Variants in IMPG2 observed in about 807,000 individuals in gnomAD.
IMPG2 encodes interphotoreceptor matrix proteoglycan 2, also known as IPM 200.
IMPG2 carries 91 observed loss-of-function variants against 129.2 expected under a neutral mutation model. That is an observed-to-expected ratio of 0.70 (90% confidence interval 0.59 to 0.84). IMPG2 has a LOEUF of 0.84. Among genes scored for constraint, IMPG2 ranks in the 40% least tolerant of loss-of-function variants. The pLI, the probability that IMPG2 is intolerant of heterozygous loss-of-function variation, is 0.00. For synonymous variants in IMPG2, 510 were observed against 517.7 expected, an observed-to-expected ratio of 0.99 and a Z score of 0.20; for missense variants, 1,430 against 1,461.7, an observed-to-expected ratio of 0.98 and a Z score of 0.35.
chr3:101,310,943 T>C (rs1047868515), intron 2 of IMPG2, among the ~76,000 whole-genome samples: 1 of 152,156 alleles, frequency 6.6e-6, no homozygotes, highest in Non-Finnish European at 1.5e-5. Context: ...TCTAAAATAC[T>C]CCATAGAAAT....
intron 7 of IMPG2, among the ~76,000 whole-genome samples, chr3:101,271,177 C>CAG (rs1706779943): frequency 6.6e-6 from 1 of 152,176 alleles, no homozygotes; most frequent in Non-Finnish European, 1.5e-5. Context: ...GACTAGAAAT[C>CAG]AGAAGGCTGA....
chr3:101,232,903 T>A lies in IMPG2; in HGVS notation c.3111A>T (p.Arg1037Ser), dbSNP rs1483689190. 1.9e-6 allele frequency: 3 copies of A among 1,613,836 alleles called. No homozygotes were observed. The highest frequency in any genetic ancestry group is 2.5e-6 in the Non-Finnish European group (3 of 1,179,922). The change falls in exon 15 of 19, where the codon AGA (arginine) becomes AGT (serine). Residue 1037 changes from arginine (R) to serine (S), a missense_variant. Arg to Ser is a moderately radical substitution (Grantham distance 110). Coordinates refer to ENST00000193391, the MANE Select transcript of IMPG2 (RefSeq NM_016247.4). ...VNPWSGEAKC[R>S]CFPGYLSVEE... ...CCACACTCAGGTATCCAGGGAAGCA[T>A]CTGCACTTTGCTTCTCCACTCCAGG...
Position 101,225,730 on chromosome 3 carries a change from T to C in IMPG2, c.*1239A>G, listed in dbSNP as rs1412191309. 6.6e-6 allele frequency: 1 copy of C among 152,154 alleles called. No homozygotes were observed. Among genetic ancestry groups the C allele is most frequent in the Admixed American group, 6.5e-5 (1 of 15,284 alleles). The allele number at this position is 152,154 out of a possible 1,614,324, so 9.4% of individuals were successfully genotyped here. ...TAAAGTATCTGCATTAATAATAACC[T>C]ATTGCATATGCAATTTAATATCATG... is the stretch of plus-strand genomic sequence containing the variant. On this transcript the variant is annotated 3_prime_UTR_variant, in exon 19 of 19. Transcript: ENST00000193391.
chr3:101,307,009 T>C (rs1707212194), intron 2 of IMPG2, among the ~76,000 whole-genome samples: 1 of 152,188 alleles, frequency 6.6e-6, no homozygotes, highest in African/African-American at 2.4e-5. Context: ...GAACTGGTAT[T>C]TAGGGCACTG....
At chr3:101,249,213 C>G (rs762085039) in intron 11 of IMPG2, among the ~76,000 whole-genome samples, 1 of 152,150 alleles carries the variant, frequency 6.6e-6, no homozygotes, top group Non-Finnish European at 1.5e-5. Context: ...TCCTTTAACC[C>G]TATCCACATC....
Position 101,225,381 on chromosome 3 carries a change from G to A in IMPG2, c.*1588C>T, listed in dbSNP as rs1364860398. The A allele has an allele frequency of 1.3e-5, 2 of 152,278 alleles. No individual in the cohort carries two copies. Among genetic ancestry groups the A allele is most frequent in the African/African-American group, 4.8e-5 (2 of 41,464 alleles). 9.4% of individuals were successfully genotyped at this position (152,278 alleles called of 1,614,324 possible). On this transcript the variant is annotated 3_prime_UTR_variant, in exon 19 of 19. Coordinates refer to ENST00000193391, the MANE Select transcript of IMPG2 (RefSeq NM_016247.4). ...GAGCCACCTTGGCGCGGGCGCACAT[G>A]CGCATTAGCGCGCACACGCACACAC...
rs577460258 is a variant in IMPG2, at chr3:101,271,637, C to CT, written c.828+1943dup. ...AGAATGCATTCAATCCCAGATCTCT[C>CT]TAACACTGAAGCCCATATTCTTCCC... On this transcript the variant is annotated intron_variant, in intron 7 of 18. Coordinates refer to ENST00000193391, the MANE Select transcript of IMPG2 (RefSeq NM_016247.4). Among the ~76,000 whole-genome samples the CT allele has an allele frequency of 3.9e-5, 6 of 152,320 alleles. No individual in the cohort carries two copies. In the East Asian group the frequency reaches 1.2e-3, roughly 29 times the overall value.
At chr3:101,227,100 TC>T in intron 18 of IMPG2, 119 bp from the exon 19 acceptor site, 1 of 1,191,774 alleles carries the variant, frequency 8.4e-7, no homozygotes, top group Admixed American at 2.0e-5. Flanking sequence ...TCTATTTTTT[TC>T]TTTATTTGAA....
chr3:101,244,939 G>A (rs1051673308), intron 12 of IMPG2, 152 bp from the exon 13 acceptor site: 2 of 684,926 alleles, frequency 2.9e-6, no homozygotes, highest in Middle Eastern at 4.0e-4. Context: ...ACAACAAGAA[G>A]ATCTGATCAT....
At position 101,226,007 on chromosome 3, in the gene IMPG2, G is replaced by A. The variant is rs1229458556; in HGVS notation, c.*962C>T. 2 of 154,476 alleles carry A rather than the reference G, an allele frequency of 1.3e-5. No individual in the cohort carries two copies. The highest frequency in any genetic ancestry group is 2.4e-5 in the African/African-American group (1 of 41,358). 9.6% of individuals were successfully genotyped at this position (154,476 alleles called of 1,614,324 possible). A position where few individuals can be genotyped will look rare whatever the true frequency, so the allele number is the denominator to read the frequency against. ...AAATGAGCTCATCTATATTATGTGA[G>A]GTAGTTAAGTGCTGTTTTCCAAATT... On this transcript the variant is annotated 3_prime_UTR_variant, in exon 19 of 19. Transcript: ENST00000193391.
At chr3:101,242,163 AAAG>A in intron 14 of IMPG2, among the ~76,000 whole-genome samples, 1 of 152,216 alleles carries the variant, frequency 6.6e-6, no homozygotes, top group East Asian at 1.9e-4. Flanking sequence ...GAGATATGGA[AAAG>A]AAGAGCTCAC....
chr3:101,253,742 C>T lies in IMPG2; in HGVS notation c.1193G>A (p.Trp398Ter), dbSNP rs1349836534. ...VLRHQTEDLV[W>*]NTQSSSLQAT... ...CTGAAGACTTGAACTTTGGGTGTTC[C>T]AAACTAGATCTTCAGTTTGGTGACG... Residue 398 changes from tryptophan (W) to a stop codon, truncating the protein, a stop_gained, in exon 11 of 19, where the codon TGG becomes TAG. Coordinates refer to ENST00000193391, the MANE Select transcript of IMPG2 (RefSeq NM_016247.4). LOFTEE classifies it high-confidence loss of function. 1 of 1,611,858 alleles carries T rather than the reference C, an allele frequency of 6.2e-7. No individual in the cohort carries two copies.
Position 101,229,362 on chromosome 3 carries a change from A to G in IMPG2, c.3633+18T>C, listed in dbSNP as rs757628656. On this transcript the variant is annotated intron_variant, in intron 17 of 18. Coordinates refer to ENST00000193391, the MANE Select transcript of IMPG2 (RefSeq NM_016247.4). ...CCAGCAGTAGCTGCGACAGCAACATAAATGCAAAGTTTCCCACCTCTCTGG... is the reference window on the plus strand; with the variant it reads ...CCAGCAGTAGCTGCGACAGCAACATGAATGCAAAGTTTCCCACCTCTCTGG... 5.0e-6 allele frequency: 8 copies of G among 1,605,734 alleles called. No homozygotes were observed. In the South Asian group the frequency reaches 7.7e-5, roughly 15 times the overall value.
chr3:101,279,958 T>C (rs1369920831), intron 4 of IMPG2, among the ~76,000 whole-genome samples: 1 of 152,198 alleles, frequency 6.6e-6, no homozygotes, highest in Non-Finnish European at 1.5e-5. Context: ...TCATTAAGTA[T>C]TCCCCCTGCA....
chr3:101,271,876 C>T (rs1706786250), intron 7 of IMPG2, among the ~76,000 whole-genome samples: 2 of 152,128 alleles, frequency 1.3e-5, no homozygotes, highest in African/African-American at 2.4e-5. Flanking sequence ...GCCTCCTGAG[C>T]CTCATCTGTA....
chr3:101,291,452 T>A (rs1275714379), intron 4 of IMPG2, 27 bp downstream of exon 4: 1 of 1,603,290 alleles, frequency 6.2e-7, no homozygotes, highest in South Asian at 1.1e-5. Context: ...TTGCCAAACA[T>A]GAATTTTGGG....
chr3:101,287,634 T>C (rs1372035745), intron 4 of IMPG2, among the ~76,000 whole-genome samples: 4 of 152,036 alleles, frequency 2.6e-5, no homozygotes, highest in Admixed American at 2.6e-4. Context: ...AAATGAACAA[T>C]GGGGAAAGGA....
chr3:101,304,855 T>TAAAA (rs5851269), intron 2 of IMPG2, among the ~76,000 whole-genome samples: 1 of 147,180 alleles, frequency 6.8e-6, no homozygotes. Flanking sequence ...ATATTTCTGA[T>TAAAA]AAAAAAAAAA....
In IMPG2 at chr3:101,279,417, A is replaced by T. The variant is rs117126644; in HGVS notation, c.534-2704T>A. On this transcript the variant is annotated intron_variant, in intron 4 of 18. Transcript: ENST00000193391. ...CAGAAACCTCATTCTTACTCATCTC[A>T]AATCACTGCTTCACAACATGGCCCT... 6.3e-4 allele frequency among the ~76,000 whole-genome samples: 96 copies of T among 152,284 alleles called. 1 individual carries two copies. The East Asian group carries it at 0.016, about 25-fold the overall frequency.
Sources: allele counts gnomAD v4.1 joint callset (sites outside exome capture counted in the v4.1 genomes callset), GRCh38; gene constraint gnomAD v4.1.1; transcripts MANE v1.5; gene names NCBI Gene and HGNC (gene_info 2026-07-23, HGNC 2026-07-21).